Variants in CPVL observed in about 807,000 individuals in gnomAD.
The protein encoded by CPVL is probable serine carboxypeptidase CPVL.
In CPVL, 51 loss-of-function variants were observed where a neutral mutation model predicts 63.7. The observed-to-expected ratio is 0.80, with a 90% confidence interval of 0.64 to 1.01. The LOEUF (loss-of-function observed/expected upper bound fraction) is 1.01. Ranked by LOEUF, CPVL falls within the 50% of genes least tolerant of loss-of-function variation. The pLI, the probability that CPVL is intolerant of heterozygous loss-of-function variation, is 0.00. For missense variants in CPVL, 530 were observed against 573.1 expected (o/e 0.92, Z 0.77); for synonymous variants, 195 against 206.0 (o/e 0.95, Z 0.46).
chr7:29,019,484 C>A (rs1786741992), intron 12 of CPVL, among the ~76,000 whole-genome samples: 1 of 152,144 alleles, frequency 6.6e-6, no homozygotes. Flanking sequence ...TCTCTCGGTA[C>A]CGTACTGCTC....
At chr7:29,094,001 G>A (rs1421685197) in intron 5 of CPVL, among the ~76,000 whole-genome samples, 2 of 152,184 alleles carry the variant, frequency 1.3e-5, no homozygotes, top group Admixed American at 6.5e-5. Context: ...CCTCCCCAAG[G>A]AGAGTATCAC....
chr7:29,121,478 G>A (rs531402355), intron 1 of CPVL, among the ~76,000 whole-genome samples: 1 of 152,132 alleles, frequency 6.6e-6, no homozygotes, highest in East Asian at 1.9e-4. Flanking sequence ...AATGCAGTTT[G>A]GAAAGTAAAT....
chr7:29,130,830 C>T (rs1790612865), intron 1 of CPVL, among the ~76,000 whole-genome samples: 1 of 152,152 alleles, frequency 6.6e-6, no homozygotes, highest in Non-Finnish European at 1.5e-5. Context: ...TTTATAGGTA[C>T]TGAAATTGCA....
At chr7:29,187,678 A>C (rs970768577) in intron 1 of CPVL, among the ~76,000 whole-genome samples, 12 of 152,162 alleles carry the variant, frequency 7.9e-5, no homozygotes, top group Non-Finnish European at 1.2e-4. Context: ...CAATGAGCCG[A>C]GATTGCACCA....
Position 29,121,070 on chromosome 7 carries a change from G to T in CPVL, c.-9C>A. On this transcript the variant is annotated splice_region_variant and 5_prime_UTR_variant, in exon 2 of 13. Transcript: ENST00000265394. Reference sequence around the variant, plus strand: ...CACATGGCACCAACCATCTCTCAGGGTCTAGGATAAAAACAGCATTCCAAA... The same window carrying T: ...CACATGGCACCAACCATCTCTCAGGTTCTAGGATAAAAACAGCATTCCAAA... 6.3e-7 allele frequency: 1 copy of T among 1,575,890 alleles called. No homozygotes were observed. Among genetic ancestry groups the T allele is most frequent in the Non-Finnish European group, 8.6e-7 (1 of 1,165,404 alleles).
chr7:29,142,055 CTCT>C (rs888543180), intron 1 of CPVL, among the ~76,000 whole-genome samples: 8 of 152,182 alleles, frequency 5.3e-5, no homozygotes, highest in Non-Finnish European at 1.0e-4. Context: ...ATTTAACTTT[CTCT>C]TCTTCTTTCC....
chr7:29,072,527 T>C, intron 7 of CPVL, 104 bp from the exon 8 acceptor site: 2 of 1,286,820 alleles, frequency 1.6e-6, no homozygotes, highest in Admixed American at 3.8e-5. Context: ...TCTTTCCACA[T>C]GAGGTATACC....
intron 1 of CPVL, among the ~76,000 whole-genome samples, chr7:29,189,858 T>C (rs1782668159): frequency 6.6e-6 from 1 of 152,178 alleles, no homozygotes; most frequent in African/African-American, 2.4e-5. Flanking sequence ...AGAAAGACGA[T>C]GCAGGAATAC....
chr7:29,194,790 G>C, intron 1 of CPVL: 1 of 554,596 alleles, frequency 1.8e-6, no homozygotes, highest in Non-Finnish European at 2.8e-6. Context: ...AGCAGGAAGT[G>C]CAGGCAGAGT....
rs1789292274 is a variant in CPVL at position 29,120,828 on chromosome 7, A to AG, written c.169+64_169+65insC. The AG allele has an allele frequency of 2.3e-6, 3 of 1,301,958 alleles. No homozygotes were observed. The East Asian group carries it at 7.6e-5, about 33-fold the overall frequency. The allele number at this position is 1,301,958 out of a possible 1,614,324, so 80.7% of individuals were successfully genotyped here. ...GGCGAGACTTCGTCTCAAAAAAAAA[A>AG]AAAAAAAAAAGAGAAACTGTTGAAC... On this transcript the variant is annotated intron_variant, in intron 2 of 12. Coordinates refer to ENST00000265394, the MANE Select transcript of CPVL (RefSeq NM_031311.5).
upstream of CPVL, among the ~76,000 whole-genome samples, chr7:29,149,880 A>G (rs74968593): frequency 5.7e-3 from 864 of 152,236 alleles, 10 homozygotes; most frequent in African/African-American, 0.02. Context: ...TGAGGACACC[A>G]ATGACATTGG....
chr7:29,068,138 G>T (rs2049474831), intron 9 of CPVL, among the ~76,000 whole-genome samples: 1 of 151,464 alleles, frequency 6.6e-6, no homozygotes, highest in Admixed American at 6.6e-5. Context: ...CCGAGTACCT[G>T]AGATTAAAGG....
At chr7:29,114,966 T>C (rs1462350133) in intron 2 of CPVL, among the ~76,000 whole-genome samples, 1 of 152,112 alleles carries the variant, frequency 6.6e-6, no homozygotes, top group African/African-American at 2.4e-5. Context: ...TCTCAACAGG[T>C]GGTCCTTGAG....
At chr7:29,042,045 T>C (rs755274424) in intron 11 of CPVL, among the ~76,000 whole-genome samples, 4 of 152,038 alleles carry the variant, frequency 2.6e-5, no homozygotes, top group African/African-American at 7.3e-5. Flanking sequence ...GGAAAGAAAA[T>C]TGGTCCTCTC....
At chr7:29,167,811 C>T (rs1306053992) in intron 5 of CPVL, among the ~76,000 whole-genome samples, 1 of 152,192 alleles carries the variant, frequency 6.6e-6, no homozygotes, top group Non-Finnish European at 1.5e-5. Flanking sequence ...TTCCTAAATC[C>T]TTGTTATGAG....
intron 9 of CPVL, 89 bp from the exon 10 acceptor site, chr7:29,066,210 A>T (rs1783124365): frequency 1.3e-6 from 1 of 745,776 alleles, no homozygotes; most frequent in Non-Finnish European, 2.3e-6. Flanking sequence ...CATTTATTCA[A>T]CAACTTTTTC....
At chr7:29,077,668 G>A (rs973949949) in intron 7 of CPVL, among the ~76,000 whole-genome samples, 13 of 152,172 alleles carry the variant, frequency 8.5e-5, no homozygotes, top group African/African-American at 2.7e-4. Context: ...GCATCAAGGC[G>A]CACTGCCCTT....
intron 12 of CPVL, among the ~76,000 whole-genome samples, chr7:29,022,018 C>A (rs553551762): frequency 2.6e-5 from 4 of 152,270 alleles, no homozygotes; most frequent in African/African-American, 7.2e-5. Flanking sequence ...GCCCTAGGGA[C>A]AAAGGGAGCC....
intron 12 of CPVL, among the ~76,000 whole-genome samples, chr7:29,008,123 A>G (rs1427566897): frequency 6.6e-6 from 1 of 152,194 alleles, no homozygotes; most frequent in Non-Finnish European, 1.5e-5. Context: ...AGGAGTACAA[A>G]GGGCCTCACA....
Sources: allele counts gnomAD v4.1 joint callset (sites outside exome capture counted in the v4.1 genomes callset), GRCh38; gene constraint gnomAD v4.1.1; transcripts MANE v1.5; gene names NCBI Gene and HGNC (gene_info 2026-07-23, HGNC 2026-07-21).